The following CEACAM18 variants were observed in gnomAD, a reference collection of about 807,000 sequenced individuals.
CEACAM18 encodes the protein cell adhesion molecule CEACAM18.
In CEACAM18, 33 loss-of-function variants were observed where a neutral mutation model predicts 34.3. That is an observed-to-expected ratio of 0.96 (90% CI 0.73 to 1.29). CEACAM18 has a LOEUF of 1.29. Among genes scored for constraint, CEACAM18 ranks in the 50% most tolerant of loss-of-function variants. The pLI is 0.00. For synonymous variants in CEACAM18, 169 were observed against 180.9 expected (o/e 0.93, Z 0.53); for missense variants, 474 against 485.0 (o/e 0.98, Z 0.21).
At chr19:51,480,912 G>T (rs536659320) in intron 2 of CEACAM18, among the ~76,000 whole-genome samples, 6 of 152,288 alleles carry the variant, frequency 3.9e-5, no homozygotes, top group African/African-American at 1.4e-4. Flanking sequence ...CATACTGCAG[G>T]ACCCTGGCCC....
rs746455800 is a variant in CEACAM18, at chr19:51,483,248, T to C, written c.905T>C (p.Val302Ala). The C allele has an allele frequency of 3.7e-6, 6 of 1,613,924 alleles. No individual in the cohort carries two copies. In the African/African-American group the frequency reaches 8.0e-5, roughly 22 times the overall value. The change falls in exon 4 of 6, where the codon GTG (valine) becomes GCG (alanine). Residue 302 changes from valine to alanine, a missense_variant. Transcript: ENST00000396477. The stretch of plus-strand genomic sequence containing the variant: ...TACCGATGCACTGTGGAGAACCCCG[T>C]GACACAGCTGATCATGTACATGGAC...
In CEACAM18 at chr19:51,481,374, T is replaced by C. The variant is rs1989911797; in HGVS notation, c.401-19T>C. 6.2e-7 allele frequency: 1 copy of C among 1,609,276 alleles called. No homozygotes were observed. On this transcript the variant is annotated intron_variant, in intron 2 of 5. Transcript: ENST00000396477. ...GCAGACCCCACTTGTAATTTTTTTC[T>C]CTTTCCTGCTTCACCCAGAGTTGGG... is the stretch of plus-strand genomic sequence containing the variant.
intron 3 of CEACAM18, 73 bp from the exon 4 acceptor site, chr19:51,482,943 TG>T (rs1989941219): frequency 1.9e-6 from 3 of 1,558,844 alleles, no homozygotes; most frequent in Non-Finnish European, 8.7e-7. Context: ...ACCTCCTGGC[TG>T]GGGGAGGACT....
rs780772037 is a variant in CEACAM18, at chr19:51,490,648, G to A, written c.1151G>A (p.Arg384Lys). ...GAGGACAAGACCAGAAGGGCAAGCA[G>A]GTGAGGAGAGGGTGATGGAGAAGGG... Residue 384 changes from arginine to lysine, a missense_variant, in exon 6 of 6, where the codon AGG becomes AAG. Physicochemically the swap from Arg to Lys is conservative, Grantham distance 26 (BLOSUM62 2). Coordinates refer to ENST00000396477, the Ensembl canonical transcript of CEACAM18. The A allele has an allele frequency of 6.2e-5, 77 of 1,232,084 alleles. No homozygotes were observed. In the African/African-American group the frequency reaches 1.0e-3, roughly 16 times the overall value. The allele number at this position is 1,232,084 out of a possible 1,614,324, so 76.3% of individuals were successfully genotyped here. A position where few individuals can be genotyped will look rare whatever the true frequency, so the allele number is the denominator to read the frequency against.
chr19:51,481,150 T>C (rs1989908220), intron 2 of CEACAM18, among the ~76,000 whole-genome samples: 1 of 152,210 alleles, frequency 6.6e-6, no homozygotes, highest in African/African-American at 2.4e-5. Context: ...CACATGTTTA[T>C]GCCAAGAGCT....
intron 4 of CEACAM18, among the ~76,000 whole-genome samples, chr19:51,483,792 C>CG (rs1464045764): frequency 1.3e-5 from 2 of 152,198 alleles, no homozygotes; most frequent in Non-Finnish European, 2.9e-5. Flanking sequence ...GACGCAGGGA[C>CG]GGGATGGGTG....
At chr19:51,481,352 G>A in intron 2 of CEACAM18, 41 bp from the exon 3 acceptor site, 1 of 1,594,812 alleles carries the variant, frequency 6.3e-7, no homozygotes, top group Non-Finnish European at 8.5e-7. Flanking sequence ...TGGGGAAGCA[G>A]ACCCCACTTG....
intron 5 of CEACAM18, among the ~76,000 whole-genome samples, chr19:51,486,722 T>C (rs1990008976): frequency 7.2e-6 from 1 of 138,110 alleles, no homozygotes; most frequent in Non-Finnish European, 1.5e-5. Context: ...TTCTTTTCTT[T>C]CTTTTTTTTT....
At chr19:51,484,882 T>C in intron 4 of CEACAM18, 105 bp from the exon 5 acceptor site, 1 of 1,360,746 alleles carries the variant, frequency 7.3e-7, no homozygotes, top group South Asian at 1.3e-5. Context: ...TGATAATAGA[T>C]GTTGACAAAT....
At chr19:51,480,552 G>T in exon 2 of CEACAM18, 1 of 1,614,050 alleles carries the variant, frequency 6.2e-7, no homozygotes, top group Non-Finnish European at 8.5e-7. Flanking sequence ...TACACTGGCA[G>T]GGAGAGAGTG....
chr19:51,479,560 G>T (rs1261250494), intron 1 of CEACAM18, among the ~76,000 whole-genome samples: 1 of 152,198 alleles, frequency 6.6e-6, no homozygotes, highest in Admixed American at 6.5e-5. Context: ...AGACTCTGAG[G>T]ACCCCCAGAG....
intron 2 of CEACAM18, 33 bp downstream of exon 2, chr19:51,480,713 C>T (rs1442328294): frequency 1.3e-6 from 2 of 1,563,350 alleles, no homozygotes; most frequent in Non-Finnish European, 1.7e-6. Flanking sequence ...TCCCAACCCC[C>T]AAGGAGAGCT....
chr19:51,490,624 A>C, exon 6 of CEACAM18: 1 of 1,232,508 alleles, frequency 8.1e-7, no homozygotes, highest in Non-Finnish European at 1.0e-6. Flanking sequence ...CCCAGACCTG[A>C]GGACAAGACC....
At chr19:51,488,747 G>A (rs1470512519) in intron 5 of CEACAM18, among the ~76,000 whole-genome samples, 1 of 152,158 alleles carries the variant, frequency 6.6e-6, no homozygotes, top group Non-Finnish European at 1.5e-5. Flanking sequence ...TTGGAGTGGG[G>A]CAGGGAACTC....
chr19:51,482,117 C>T (rs1739661482), intron 3 of CEACAM18, among the ~76,000 whole-genome samples: 2 of 152,258 alleles, frequency 1.3e-5, no homozygotes, highest in Middle Eastern at 3.4e-3. Context: ...AGGCTATGCT[C>T]CCTTAAACAG....
chr19:51,488,388 T>C (rs1990038129), intron 5 of CEACAM18, among the ~76,000 whole-genome samples: 1 of 152,210 alleles, frequency 6.6e-6, no homozygotes, highest in Non-Finnish European at 1.5e-5. Context: ...CCCTGTGAGG[T>C]TGGGACCAGT....
At chr19:51,485,173 C>A in intron 5 of CEACAM18, 51 bp downstream of exon 5, 1 of 1,449,216 alleles carries the variant, frequency 6.9e-7, no homozygotes, top group African/African-American at 1.4e-5. Flanking sequence ...GGGGCTGGGA[C>A]TCAGGAGCCA....
At chr19:51,483,829 C>A (rs1989958363) in intron 4 of CEACAM18, among the ~76,000 whole-genome samples, 1 of 152,188 alleles carries the variant, frequency 6.6e-6, no homozygotes, top group Admixed American at 6.5e-5. Flanking sequence ...TTGGCATGGC[C>A]ATGGCGTCAG....
intron 1 of CEACAM18, among the ~76,000 whole-genome samples, chr19:51,478,954 GCA>G (rs111652625): frequency 0.2 from 30,021 of 149,868 alleles, 3,225 homozygotes; most frequent in Middle Eastern, 0.37. Context: ...ACACGCACAT[GCA>G]CACACACACA....
Sources: allele counts gnomAD v4.1 joint callset (sites outside exome capture counted in the v4.1 genomes callset), GRCh38; gene constraint gnomAD v4.1.1; transcripts MANE v1.5; gene names NCBI Gene and HGNC (gene_info 2026-07-23, HGNC 2026-07-21).